NKAIN2: variants seen among roughly 807,000 people sequenced by gnomAD.
NKAIN2 encodes sodium/potassium-transporting ATPase subunit beta-1-interacting protein 2.
Under a neutral mutation model 32.6 loss-of-function variants are expected in NKAIN2, and 14 were observed. The ratio of observed to expected loss-of-function variants is 0.43; its 90% CI spans 0.28 to 0.67. The LOEUF is 0.67. NKAIN2 is among the 30% of genes least tolerant of loss of function. NKAIN2 has a pLI of 0.17. For synonymous variants in NKAIN2, 80 were observed against 87.2 expected, an observed-to-expected ratio of 0.92 and a Z score of 0.46; for missense variants, 198 against 258.3, an observed-to-expected ratio of 0.77 and a Z score of 1.60.
At position 124,443,174 on chromosome 6, in the gene NKAIN2, T is replaced by G. The variant is rs146036448; in HGVS notation, c.273+87827T>G. On this transcript the variant is annotated intron_variant, in intron 3 of 6. Coordinates refer to ENST00000368417, the MANE Select transcript of NKAIN2 (RefSeq NM_001040214.3). ...TACACGCTTCACTCATGTGTGGGGC[T>G]CCTCAATTTTTATTGGGTTTTTCTC... Among the ~76,000 whole-genome samples, 1,323 of 152,224 alleles carry G rather than the reference T, an allele frequency of 8.7e-3. 10 individuals are homozygous for G. Among genetic ancestry groups the G allele is most frequent in the African/African-American group, 0.025 (1,028 of 41,564 alleles).
At chr6:124,571,032 T>G (rs558886407) in intron 3 of NKAIN2, among the ~76,000 whole-genome samples, 1 of 152,272 alleles carries the variant, frequency 6.6e-6, no homozygotes, top group Admixed American at 6.5e-5. Flanking sequence ...GACATCATTT[T>G]GGAGCTTTAA....
chr6:124,730,838 T>A (rs1040179604), intron 4 of NKAIN2, among the ~76,000 whole-genome samples: 87 of 149,930 alleles, frequency 5.8e-4, no homozygotes, highest in Non-Finnish European at 1.1e-3. Context: ...ATCCAGAATC[T>A]ACAATGGACT....
intron 1 of NKAIN2, among the ~76,000 whole-genome samples, chr6:123,822,873 G>T (rs1223908980): frequency 6.6e-6 from 1 of 152,120 alleles, no homozygotes; most frequent in African/African-American, 2.4e-5. Flanking sequence ...CATTTAAAAT[G>T]CTCAGAATGG....
intron 1 of NKAIN2, among the ~76,000 whole-genome samples, chr6:123,886,442 G>C (rs1480415634): frequency 5.9e-5 from 9 of 152,082 alleles, no homozygotes; most frequent in Admixed American, 5.9e-4. Context: ...ATATACCTTA[G>C]TATCTAAGTC....
intron 1 of NKAIN2, among the ~76,000 whole-genome samples, chr6:124,100,461 A>T (rs1784832062): frequency 1.3e-5 from 2 of 152,240 alleles, no homozygotes; most frequent in Non-Finnish European, 1.5e-5. Context: ...AGTGTTTACA[A>T]GGAGCCAAGA....
intron 1 of NKAIN2, among the ~76,000 whole-genome samples, chr6:123,968,594 T>C (rs1778197917): frequency 6.6e-6 from 1 of 152,164 alleles, no homozygotes; most frequent in Admixed American, 6.5e-5. Context: ...AATGGGATCC[T>C]AGCTTTCTCT....
chr6:124,590,880 A>G (rs1320887509), intron 3 of NKAIN2, among the ~76,000 whole-genome samples: 1 of 152,220 alleles, frequency 6.6e-6, no homozygotes, highest in Non-Finnish European at 1.5e-5. Flanking sequence ...AACTCTGGGA[A>G]GGCCCAGATT....
At chr6:124,025,197 A>G (rs1781049392) in intron 1 of NKAIN2, among the ~76,000 whole-genome samples, 1 of 152,168 alleles carries the variant, frequency 6.6e-6, no homozygotes, top group Non-Finnish European at 1.5e-5. Flanking sequence ...CTAAGTCACT[A>G]ATACATACCT....
chr6:124,608,423 A>G (rs1157508744), intron 3 of NKAIN2, among the ~76,000 whole-genome samples: 1 of 152,076 alleles, frequency 6.6e-6, no homozygotes. Context: ...ATTTGGAGGG[A>G]GGGAGGTATA....
At chr6:124,597,664 T>C (rs1293734411) in intron 3 of NKAIN2, among the ~76,000 whole-genome samples, 2 of 152,156 alleles carry the variant, frequency 1.3e-5, no homozygotes, top group Non-Finnish European at 2.9e-5. Context: ...TTTAACTCTC[T>C]ACCTCTAAGC....
chr6:124,680,364 T>G (rs947062924), intron 4 of NKAIN2, among the ~76,000 whole-genome samples: 1 of 152,058 alleles, frequency 6.6e-6, no homozygotes, highest in Non-Finnish European at 1.5e-5. Context: ...TGACATCTAG[T>G]TTTAGTGTCA....
intron 4 of NKAIN2, among the ~76,000 whole-genome samples, chr6:124,749,225 C>T (rs1490921057): frequency 6.6e-6 from 1 of 151,764 alleles, no homozygotes; most frequent in Non-Finnish European, 1.5e-5. Flanking sequence ...GAGATCTTCT[C>T]ATGATGAATC....
intron 1 of NKAIN2, among the ~76,000 whole-genome samples, chr6:124,135,514 GTAA>G (rs1213116777): frequency 8.2e-5 from 1 of 12,220 alleles, no homozygotes; most frequent in African/African-American, 4.1e-4. Flanking sequence ...AGCAACGATA[GTAA>G]AAAAAAAAAA....
chr6:124,247,063 T>C (rs1489339776), intron 1 of NKAIN2, among the ~76,000 whole-genome samples: 1 of 152,130 alleles, frequency 6.6e-6, no homozygotes, highest in East Asian at 1.9e-4. Flanking sequence ...GAGATAGTGT[T>C]GTGTCCTTCT....
chr6:124,503,310 G>A (rs144598927), intron 3 of NKAIN2, among the ~76,000 whole-genome samples: 1 of 152,154 alleles, frequency 6.6e-6, no homozygotes, highest in African/African-American at 2.4e-5. Flanking sequence ...ACTACTTTTA[G>A]GAATATAACT....
chr6:123,921,660 T>C (rs1030341215), intron 1 of NKAIN2, among the ~76,000 whole-genome samples: 1 of 152,186 alleles, frequency 6.6e-6, no homozygotes, highest in African/African-American at 2.4e-5. Flanking sequence ...AAGATGACCA[T>C]TGGAGATATT....
chr6:124,388,573 T>A (rs1773012257), intron 3 of NKAIN2, among the ~76,000 whole-genome samples: 1 of 152,126 alleles, frequency 6.6e-6, no homozygotes, highest in South Asian at 2.1e-4. Context: ...GACCTCCTAC[T>A]TCCTTTTATA....
At chr6:124,208,064 G>A (rs1790985432) in intron 1 of NKAIN2, among the ~76,000 whole-genome samples, 1 of 151,770 alleles carries the variant, frequency 6.6e-6, no homozygotes, top group Non-Finnish European at 1.5e-5. Flanking sequence ...TGTCTTGGTG[G>A]CTGTTCTTGT....
At chr6:123,948,501 T>A (rs1777172516) in intron 1 of NKAIN2, among the ~76,000 whole-genome samples, 1 of 151,996 alleles carries the variant, frequency 6.6e-6, no homozygotes, top group Non-Finnish European at 1.5e-5. Context: ...TGATTTGCAT[T>A]TCCCTGATGA....
Sources: gnomAD v4.1 joint callset for allele counts (sites outside exome capture counted in the v4.1 genomes callset) on GRCh38, gnomAD v4.1.1 for gene constraint, MANE v1.5 for transcripts, NCBI Gene and HGNC (gene_info 2026-07-23, HGNC 2026-07-21) for gene names.